The following NDUFC2 variants were observed in gnomAD, a reference collection of about 807,000 sequenced individuals.
NDUFC2 encodes NADH dehydrogenase [ubiquinone] 1 subunit C2.
In NDUFC2, 2 loss-of-function variants were observed where a neutral mutation model predicts 10.1. That is an observed-to-expected ratio of 0.20 (90% CI 0.08 to 0.62). NDUFC2 has a LOEUF of 0.62. Among genes scored for constraint, NDUFC2 ranks in the 20% least tolerant of loss-of-function variants. The pLI is 0.87. For synonymous variants in NDUFC2, 61 were observed against 63.6 expected (o/e 0.96, Z 0.20); for missense variants, 156 against 159.6 (o/e 0.98, Z 0.12).
rs191797935 is a variant in NDUFC2, at chr11:78,077,058, G to A, written c.166+2521C>T. ...TATAACCCCAGCACTCTGGGAGGCC[G>A]AGGTGGCAGGATCACTTGAGGCCAG... On this transcript the variant is annotated intron_variant, in intron 1 of 2. Transcript: ENST00000281031. 5.3e-5 allele frequency among the ~76,000 whole-genome samples: 8 copies of A among 152,280 alleles called. No homozygotes were observed. In the East Asian group the frequency reaches 7.7e-4, roughly 15 times the overall value.
intron 2 of NDUFC2, among the ~76,000 whole-genome samples, chr11:78,072,618 G>A (rs879638586): frequency 6.6e-6 from 1 of 152,214 alleles, no homozygotes; most frequent in Non-Finnish European, 1.5e-5. Flanking sequence ...AGTGGGAGAG[G>A]AGAGTTCAAA....
At chr11:78,076,019 T>A (rs770315606) in intron 1 of NDUFC2, among the ~76,000 whole-genome samples, 8 of 152,256 alleles carry the variant, frequency 5.3e-5, no homozygotes, top group Non-Finnish European at 1.0e-4. Context: ...TCACTCTATA[T>A]GCACAATCTT....
rs115580549 is a variant in NDUFC2, at chr11:78,069,424, A to G, written c.*563T>C. On this transcript the variant is annotated 3_prime_UTR_variant, in exon 3 of 3. Coordinates refer to ENST00000281031, the MANE Select transcript of NDUFC2 (RefSeq NM_004549.6). ...ATCATTCATTATAGACAGCTCAGAA[A>G]TACAAACCTGACTGTATGATTTAAA... 0.019 allele frequency: 3,046 copies of G among 160,668 alleles called. 97 individuals carry two copies. The highest frequency in any genetic ancestry group is 0.07 in the African/African-American group (2,898 of 41,682). 10.0% of individuals were successfully genotyped at this position (160,668 alleles called of 1,614,324 possible).
In NDUFC2 at chr11:78,069,952, G is replaced by A. The variant is rs368863957; in HGVS notation, c.*35C>T. 9 of 1,613,088 alleles carry A rather than the reference G, an allele frequency of 5.6e-6. No individual in the cohort carries two copies. The East Asian group carries it at 8.9e-5, about 16-fold the overall frequency. ...GTTCCATCAAATTCAGAAACAGCAGGTATCAGTGAAACTGGAGCAAGCATT... is the reference window on the plus strand; with the variant it reads ...GTTCCATCAAATTCAGAAACAGCAGATATCAGTGAAACTGGAGCAAGCATT... On this transcript the variant is annotated 3_prime_UTR_variant, in exon 3 of 3. Transcript: ENST00000281031.
At chr11:78,078,889 T>G (rs1267210845) in intron 1 of NDUFC2, among the ~76,000 whole-genome samples, 2 of 126,952 alleles carry the variant, frequency 1.6e-5, no homozygotes, top group Non-Finnish European at 3.5e-5. Flanking sequence ...CACGCCCGGC[T>G]AACTTTTGTA....
In NDUFC2 at chr11:78,079,693, G is replaced by C; in HGVS notation, c.52C>G (p.Arg18Gly). 1.2e-6 allele frequency: 2 copies of C among 1,610,024 alleles called. No homozygotes were observed. Among genetic ancestry groups the C allele is most frequent in the Non-Finnish European group, 1.7e-6 (2 of 1,178,550 alleles). ...GTCAGCTTGGGCGGGGGCAGGCTCC[G>C]GGCCTCATCCGGCAGAAACCGTAAG... ...EPLRFLPDEA[R>G]SLPPPKLTDP... Residue 18 changes from arginine to glycine, a missense_variant, in exon 1 of 3, where the codon CGG becomes GGG. Arg to Gly is a moderately radical substitution (Grantham distance 125, BLOSUM62 -2). Coordinates refer to ENST00000281031, the MANE Select transcript of NDUFC2 (RefSeq NM_004549.6).
At chr11:78,078,728 C>CTTTTGTTTTTTTTTTTTTTTT (rs1859358365) in intron 1 of NDUFC2, among the ~76,000 whole-genome samples, 1 of 61,642 alleles carries the variant, frequency 1.6e-5, no homozygotes, top group Non-Finnish European at 3.0e-5. Flanking sequence ...TCAGGATCCG[C>CTTTTGTTTTTTTTTTTTTTTT]TTTTTTTTTT....
At position 78,068,943 on chromosome 11, in the gene NDUFC2, C is replaced by G. The variant is rs1036397374; in HGVS notation, c.*1044G>C. ...GGAGTGTCACCCAGGCTGCAGTGAA[C>G]TGTGACACAACCACAATTAATTGCA... On this transcript the variant is annotated 3_prime_UTR_variant, in exon 3 of 3. Coordinates refer to ENST00000281031, the MANE Select transcript of NDUFC2 (RefSeq NM_004549.6). The G allele has an allele frequency of 2.6e-5, 4 of 152,050 alleles. No homozygotes were observed. Among genetic ancestry groups the G allele is most frequent in the African/African-American group, 9.7e-5 (4 of 41,374 alleles). The allele number at this position is 152,050 out of a possible 1,614,324, so 9.4% of individuals were successfully genotyped here. A position where few individuals can be genotyped will look rare whatever the true frequency, so the allele number is the denominator to read the frequency against.
rs1458074677 is a variant in NDUFC2 at position 78,069,706 on chromosome 11, A to C, written c.*281T>G. On this transcript the variant is annotated 3_prime_UTR_variant, in exon 3 of 3. Coordinates refer to ENST00000281031, the MANE Select transcript of NDUFC2 (RefSeq NM_004549.6). ...ATGAGCATGGCTGTGTTCCAATGAG[A>C]CTTTATTGGCAGTGGGCCAGATTTG... 1.6e-6 allele frequency: 1 copy of C among 628,160 alleles called. No homozygotes were observed. The highest frequency in any genetic ancestry group is 2.7e-6 in the Non-Finnish European group (1 of 366,170). The allele number at this position is 628,160 out of a possible 1,614,324, so 38.9% of individuals were successfully genotyped here.
intron 1 of NDUFC2, among the ~76,000 whole-genome samples, chr11:78,074,892 A>C (rs1859175586): frequency 6.6e-6 from 1 of 152,124 alleles, no homozygotes; most frequent in South Asian, 2.1e-4. Flanking sequence ...ACGCTGACCC[A>C]TGTTCCTCAC....
chr11:78,076,371 A>C (rs1454800067), intron 1 of NDUFC2, among the ~76,000 whole-genome samples: 1 of 152,058 alleles, frequency 6.6e-6, no homozygotes, highest in Non-Finnish European at 1.5e-5. Flanking sequence ...TGAACTCTTG[A>C]CTTCAGGTGA....
At chr11:78,077,276 A>G (rs113651091) in intron 1 of NDUFC2, among the ~76,000 whole-genome samples, 10,487 of 151,192 alleles carry the variant, frequency 0.069, 1,199 homozygotes, top group African/African-American at 0.24. Flanking sequence ...TGGGTGACAG[A>G]GTGAGACCCT....
chr11:78,074,341 G>T (rs558857013), intron 1 of NDUFC2, among the ~76,000 whole-genome samples: 1 of 152,010 alleles, frequency 6.6e-6, no homozygotes, highest in Non-Finnish European at 1.5e-5. Context: ...GGCTGGGCGT[G>T]GTGGCTCACA....
intron 1 of NDUFC2, among the ~76,000 whole-genome samples, chr11:78,079,064 A>G (rs1302353136): frequency 6.7e-6 from 1 of 149,590 alleles, no homozygotes; most frequent in Non-Finnish European, 1.5e-5. Context: ...TGCTATTCGT[A>G]TGCACATTAA....
At chr11:78,074,218 AT>A (rs2136832417) in intron 1 of NDUFC2, among the ~76,000 whole-genome samples, 1 of 152,176 alleles carries the variant, frequency 6.6e-6, no homozygotes, top group African/African-American at 2.4e-5. Context: ...AATCTAAAAT[AT>A]TACATGCAAT....
rs1327289789 is a variant in NDUFC2 at position 78,068,879 on chromosome 11, AC to A, written c.*1107del. 9.9e-5 allele frequency: 15 copies of A among 152,016 alleles called. No individual in the cohort carries two copies. The highest frequency in any genetic ancestry group is 3.6e-4 in the African/African-American group (15 of 41,448). 9.4% of individuals were successfully genotyped at this position (152,016 alleles called of 1,614,324 possible). The stretch of plus-strand genomic sequence containing the variant: ...GGAAACAAAAACTTTTGGGACAAGT[AC>A]TTTTTTTTTTGACGGGGTCTCCTTT... On this transcript the variant is annotated 3_prime_UTR_variant, in exon 3 of 3. Coordinates refer to ENST00000281031, the MANE Select transcript of NDUFC2 (RefSeq NM_004549.6).
At chr11:78,074,329 C>T (rs1859151209) in intron 1 of NDUFC2, among the ~76,000 whole-genome samples, 1 of 151,626 alleles carries the variant, frequency 6.6e-6, no homozygotes, top group South Asian at 2.1e-4. Flanking sequence ...AAGACCTATC[C>T]TGGCTGGGCG....
chr11:78,073,216 A>T, intron 1 of NDUFC2, 75 bp from the exon 2 acceptor site: 1 of 1,603,208 alleles, frequency 6.2e-7, no homozygotes, highest in Non-Finnish European at 8.5e-7. Flanking sequence ...TTTTGGCTGG[A>T]CGCAGTGGCT....
At chr11:78,073,263 A>C (rs1859094352) in intron 1 of NDUFC2, 122 bp from the exon 2 acceptor site, 1 of 1,450,428 alleles carries the variant, frequency 6.9e-7, no homozygotes, top group Admixed American at 2.2e-5. Flanking sequence ...AGGCCAAGAC[A>C]GGTGGATCAC....
Sources: gnomAD v4.1 joint callset for allele counts (sites outside exome capture counted in the v4.1 genomes callset) on GRCh38, gnomAD v4.1.1 for gene constraint, MANE v1.5 for transcripts, NCBI Gene and HGNC (gene_info 2026-07-23, HGNC 2026-07-21) for gene names.